Variants in CAB39 observed in about 807,000 individuals in gnomAD.
CAB39 encodes calcium binding protein 39, also known as calcium-binding protein 39.
CAB39 carries 8 observed loss-of-function variants against 40.0 expected under a neutral mutation model. The observed-to-expected ratio is 0.20, with a 90% confidence interval of 0.12 to 0.36. The LOEUF (loss-of-function observed/expected upper bound fraction) is 0.36. Ranked by LOEUF, CAB39 falls within the 10% of genes least tolerant of loss-of-function variation. The pLI is 1.00. For synonymous variants in CAB39, 156 were observed against 141.6 expected (o/e 1.10, Z -0.72); for missense variants, 270 against 401.1 (o/e 0.67, Z 2.79).
intron 1 of CAB39, among the ~76,000 whole-genome samples, chr2:230,730,391 A>AAAATATAT (rs1559590659): frequency 1.3e-5 from 2 of 152,258 alleles, no homozygotes; most frequent in South Asian, 4.1e-4. Context: ...CCTTTATATG[A>AAAATATAT]AAATATATCT....
chr2:230,748,847 T>A lies in CAB39; in HGVS notation c.-43-11112T>A, dbSNP rs1478890861. Among the ~76,000 whole-genome samples the A allele has an allele frequency of 7.2e-4, 83 of 114,536 alleles. 1 individual carries two copies. The highest frequency in any genetic ancestry group is 2.2e-3 in the Admixed American group (24 of 10,794). 75.1% of individuals were successfully genotyped at this position (114,536 alleles called of 152,430 possible). ...AAAAAAAAAAATATATATATATATATATATATATATATATATATATAACAA... is the reference window on the plus strand; with the variant it reads ...AAAAAAAAAAATATATATATATATAAATATATATATATATATATATAACAA... On this transcript the variant is annotated intron_variant, in intron 1 of 8. Transcript: ENST00000258418.
intron 1 of CAB39, among the ~76,000 whole-genome samples, chr2:230,720,371 A>T (rs1260712063): frequency 5.3e-5 from 8 of 152,178 alleles, no homozygotes; most frequent in Non-Finnish European, 7.3e-5. Flanking sequence ...GATAAGGGTG[A>T]TATTCACCAC....
intron 5 of CAB39, 40 bp from the exon 6 acceptor site, chr2:230,810,223 T>C: frequency 1.1e-6 from 1 of 939,582 alleles, no homozygotes. Context: ...TTTTGAAAAC[T>C]TGGAGAACAA....
intron 1 of CAB39, among the ~76,000 whole-genome samples, chr2:230,748,829 A>ATATAT (rs1262628500): frequency 1.1e-3 from 53 of 46,348 alleles, no homozygotes; most frequent in South Asian, 1.5e-3. Context: ...AAAAAAAAAA[A>ATATAT]AAATATATAT....
chr2:230,725,177 T>C, intron 1 of CAB39: 1 of 1,612,774 alleles, frequency 6.2e-7, no homozygotes, highest in South Asian at 1.1e-5. Flanking sequence ...TCGAAGGCAG[T>C]CCCGGGACTG....
At chr2:230,782,816 T>TCTTTC (rs776489345) in intron 2 of CAB39, among the ~76,000 whole-genome samples, 43 of 123,558 alleles carry the variant, frequency 3.5e-4, no homozygotes, top group Non-Finnish European at 5.5e-4. Flanking sequence ...TTTCTTTCTT[T>TCTTTC]TTTTTTTTTT....
intron 1 of CAB39, among the ~76,000 whole-genome samples, chr2:230,742,335 C>T (rs1046775642): frequency 3.3e-5 from 5 of 152,104 alleles, no homozygotes; most frequent in South Asian, 2.1e-4. Context: ...CCACCACGCC[C>T]GGCTAATTTT....
At chr2:230,788,473 T>C (rs564544990) in intron 2 of CAB39, among the ~76,000 whole-genome samples, 6 of 152,336 alleles carry the variant, frequency 3.9e-5, no homozygotes, top group African/African-American at 1.4e-4. Context: ...GCCAATTCTC[T>C]TTTAAATAAA....
intron 2 of CAB39, among the ~76,000 whole-genome samples, chr2:230,763,599 AAAAC>A (rs1370492261): frequency 1.3e-5 from 2 of 152,086 alleles, no homozygotes; most frequent in African/African-American, 4.8e-5. Flanking sequence ...CTCAAAAAAA[AAAAC>A]AAAGACGAGA....
At chr2:230,796,195 CT>C (rs1343266877) in intron 4 of CAB39, among the ~76,000 whole-genome samples, 5 of 152,142 alleles carry the variant, frequency 3.3e-5, no homozygotes, top group Admixed American at 2.0e-4. Context: ...GATTTTTGTA[CT>C]TTTGTTAATT....
chr2:230,794,590 C>T (rs1695947880), intron 4 of CAB39, among the ~76,000 whole-genome samples: 1 of 152,124 alleles, frequency 6.6e-6, no homozygotes, highest in Non-Finnish European at 1.5e-5. Flanking sequence ...TTTTGAGATA[C>T]AATTTACAGT....
At position 230,821,058 on chromosome 2, in the gene CAB39, A is replaced by G. The variant is rs1299706211; in HGVS notation, c.*2354A>G. The G allele has an allele frequency of 1.3e-5, 2 of 152,460 alleles. No homozygotes were observed. The allele number at this position is 152,460 out of a possible 1,614,324, so 9.4% of individuals were successfully genotyped here. On this transcript the variant is annotated 3_prime_UTR_variant, in exon 9 of 9. Coordinates refer to ENST00000258418, the MANE Select transcript of CAB39 (RefSeq NM_016289.4). ...GGCCCTGTAATTTAAATTAAAATAA[A>G]ATTTTGGAGAAACAGCATTGTCTGT...
At chr2:230,746,986 T>A (rs1287621705) in intron 1 of CAB39, among the ~76,000 whole-genome samples, 3 of 152,338 alleles carry the variant, frequency 2.0e-5, no homozygotes, top group Middle Eastern at 3.4e-3. Context: ...ATCAAGATTT[T>A]AAAAATCTTA....
chr2:230,815,341 T>A (rs1459300145), intron 7 of CAB39, among the ~76,000 whole-genome samples: 1 of 152,134 alleles, frequency 6.6e-6, no homozygotes, highest in East Asian at 1.9e-4. Context: ...CCTTTCATCT[T>A]TGGGGGGTTG....
intron 2 of CAB39, among the ~76,000 whole-genome samples, chr2:230,781,213 T>G (rs1429637539): frequency 6.6e-6 from 1 of 152,188 alleles, no homozygotes; most frequent in East Asian, 1.9e-4. Context: ...TGAGAATGTT[T>G]TAATTAGAAA....
chr2:230,725,562 T>G (rs1413734146), intron 1 of CAB39, among the ~76,000 whole-genome samples: 1 of 152,130 alleles, frequency 6.6e-6, no homozygotes, highest in Non-Finnish European at 1.5e-5. Context: ...ACCAAGCAAA[T>G]TGTGTAATTG....
At chr2:230,729,191 C>T (rs928078854) in intron 1 of CAB39, among the ~76,000 whole-genome samples, 2 of 152,152 alleles carry the variant, frequency 1.3e-5, no homozygotes, top group Non-Finnish European at 2.9e-5. Flanking sequence ...CGGTTTGCAC[C>T]AGCTAGTATT....
chr2:230,792,744 A>G (rs2124959272), intron 3 of CAB39, among the ~76,000 whole-genome samples: 1 of 152,330 alleles, frequency 6.6e-6, no homozygotes, highest in East Asian at 1.9e-4. Context: ...CCAGCTTCAT[A>G]CAGAATTATT....
intron 1 of CAB39, 141 bp downstream of exon 1, chr2:230,713,371 C>T (rs1418641299): frequency 6.6e-6 from 1 of 152,300 alleles, no homozygotes; most frequent in South Asian, 2.1e-4. Context: ...CCCCGGAGCC[C>T]CCGGGAGCAG....
Sources: allele counts gnomAD v4.1 joint callset (sites outside exome capture counted in the v4.1 genomes callset), GRCh38; gene constraint gnomAD v4.1.1; transcripts MANE v1.5; gene names NCBI Gene and HGNC (gene_info 2026-07-23, HGNC 2026-07-21).